TM9SF2: variants seen among roughly 807,000 people sequenced by gnomAD.
TM9SF2 encodes the protein transmembrane 9 superfamily member 2.
Under a neutral mutation model 84.9 loss-of-function variants are expected in TM9SF2, and 13 were observed. The observed-to-expected ratio is 0.15, with a 90% CI of 0.10 to 0.24. The LOEUF is 0.24. TM9SF2 is among the 10% of genes least tolerant of loss of function. The probability of loss-of-function intolerance (pLI) is 1.00; values close to 1 mark genes in which losing one functional copy is unlikely to be tolerated. For missense variants in TM9SF2, 562 were observed against 818.5 expected (o/e 0.69, Z 3.82); for synonymous variants, 273 against 285.8 (o/e 0.96, Z 0.45).
intron 1 of TM9SF2, among the ~76,000 whole-genome samples, chr13:99,515,605 C>T (rs911881053): frequency 6.6e-6 from 1 of 152,140 alleles, no homozygotes; most frequent in Admixed American, 6.5e-5. Flanking sequence ...ACACTTCCCT[C>T]TTCTGAATAT....
At chr13:99,544,356 A>C (rs544554196) in intron 10 of TM9SF2, among the ~76,000 whole-genome samples, 2,306 of 151,852 alleles carry the variant, frequency 0.015, 85 homozygotes, top group African/African-American at 0.052. Flanking sequence ...AAAAAAAACA[A>C]AAAACACCAC....
chr13:99,547,208 C>T, intron 11 of TM9SF2, 104 bp downstream of exon 11: 1 of 1,506,906 alleles, frequency 6.6e-7, no homozygotes, highest in Non-Finnish European at 9.0e-7. Context: ...AATAGTGTGC[C>T]TCATAGGGGT....
At chr13:99,537,645 A>G (rs1298339734) in intron 5 of TM9SF2, 94 bp from the exon 6 acceptor site, 2 of 1,027,186 alleles carry the variant, frequency 1.9e-6, no homozygotes, top group East Asian at 5.4e-5. Context: ...TCAAACTTAA[A>G]TTTTCTTACT....
At chr13:99,513,471 A>G (rs941253050) in intron 1 of TM9SF2, among the ~76,000 whole-genome samples, 1 of 152,214 alleles carries the variant, frequency 6.6e-6, no homozygotes, top group Non-Finnish European at 1.5e-5. Context: ...AAAAATTTGT[A>G]TTACTTCATC....
intron 3 of TM9SF2, among the ~76,000 whole-genome samples, chr13:99,526,630 A>T (rs896941708): frequency 6.6e-6 from 1 of 152,190 alleles, no homozygotes; most frequent in Non-Finnish European, 1.5e-5. Flanking sequence ...GCTGTCATTG[A>T]TAAAGGCAGG....
At chr13:99,547,138 A>G (rs747493913) in intron 11 of TM9SF2, 34 bp downstream of exon 11, 9 of 1,609,234 alleles carry the variant, frequency 5.6e-6, no homozygotes, top group Non-Finnish European at 1.7e-6. Flanking sequence ...GCGTCTGATC[A>G]GGAAGGGACT....
intron 4 of TM9SF2, among the ~76,000 whole-genome samples, chr13:99,531,118 C>T (rs2046207036): frequency 1.3e-5 from 2 of 152,068 alleles, no homozygotes; most frequent in South Asian, 2.1e-4. Context: ...CTCTCAGCCT[C>T]CCAAAGTGCT....
rs532627176 is a variant in TM9SF2 at position 99,553,814 on chromosome 13, G to A, written c.1489-490G>A. ...AGAACATCACCAACTCCTTATGGTC[G>A]TAAAGCTTCATACAGCCATTCATTG... On this transcript the variant is annotated intron_variant, in intron 13 of 16. Transcript: ENST00000376387. Among the ~76,000 whole-genome samples, 79 of 152,252 alleles carry A rather than the reference G, an allele frequency of 5.2e-4. 1 individual carries two copies. The highest frequency in any genetic ancestry group is 3.4e-3 in the Middle Eastern group (1 of 294).
intron 4 of TM9SF2, among the ~76,000 whole-genome samples, chr13:99,534,281 T>G (rs546543528): frequency 6.6e-6 from 1 of 152,326 alleles, no homozygotes; most frequent in South Asian, 2.1e-4. Flanking sequence ...GAAGATACTT[T>G]AGTGAGTTCC....
intron 16 of TM9SF2, among the ~76,000 whole-genome samples, chr13:99,560,684 T>A (rs1262342741): frequency 6.6e-6 from 1 of 152,148 alleles, no homozygotes; most frequent in East Asian, 1.9e-4. Context: ...TTTATTTATT[T>A]TATTTTTATT....
intron 3 of TM9SF2, among the ~76,000 whole-genome samples, chr13:99,527,554 C>T (rs747110234): frequency 2.6e-5 from 4 of 152,178 alleles, no homozygotes; most frequent in African/African-American, 4.8e-5. Context: ...TCCCCCAACA[C>T]GTGGGGATTA....
intron 11 of TM9SF2, 58 bp downstream of exon 11, chr13:99,547,162 G>T (rs1457385082): frequency 6.2e-7 from 1 of 1,600,874 alleles, no homozygotes; most frequent in African/African-American, 1.3e-5. Flanking sequence ...CTGCGGCTGT[G>T]GATCTGACCT....
intron 1 of TM9SF2, among the ~76,000 whole-genome samples, chr13:99,506,223 G>A (rs2046088081): frequency 6.6e-6 from 1 of 152,132 alleles, no homozygotes; most frequent in South Asian, 2.1e-4. Flanking sequence ...GACACAGAAT[G>A]AATATATATG....
intron 14 of TM9SF2, 111 bp downstream of exon 14, chr13:99,554,566 A>C: frequency 8.4e-7 from 1 of 1,188,762 alleles, no homozygotes; most frequent in Non-Finnish European, 1.1e-6. Context: ...GCAGTTCTTC[A>C]GTAACCAGAA....
intron 1 of TM9SF2, among the ~76,000 whole-genome samples, chr13:99,515,104 G>T (rs1181200099): frequency 6.6e-6 from 1 of 152,174 alleles, no homozygotes; most frequent in African/African-American, 2.4e-5. Context: ...CTTAATTGTA[G>T]CAAGAGGGAC....
intron 9 of TM9SF2, among the ~76,000 whole-genome samples, chr13:99,543,188 A>G (rs920650363): frequency 7.9e-5 from 12 of 152,128 alleles, no homozygotes; most frequent in African/African-American, 2.7e-4. Context: ...TGATCTTCCC[A>G]TTGAACCCCT....
At chr13:99,519,890 A>AGATGAGGAGAGATG (rs2139079307) in intron 2 of TM9SF2, 146 bp from the exon 3 acceptor site, 2 of 567,354 alleles carry the variant, frequency 3.5e-6, no homozygotes, top group Non-Finnish European at 6.1e-6. Flanking sequence ...GATGTGGTAC[A>AGATGAGGAGAGATG]TAGGACTTGG....
At chr13:99,554,095 T>C (rs1181746842) in intron 13 of TM9SF2, among the ~76,000 whole-genome samples, 2 of 152,242 alleles carry the variant, frequency 1.3e-5, no homozygotes, top group Admixed American at 6.5e-5. Flanking sequence ...CAGTATTAAC[T>C]TGTTCCAGTA....
At chr13:99,542,484 C>T (rs768276130) in intron 9 of TM9SF2, among the ~76,000 whole-genome samples, 1 of 152,156 alleles carries the variant, frequency 6.6e-6, no homozygotes, top group Non-Finnish European at 1.5e-5. Flanking sequence ...ACATTTTCTA[C>T]TCTTCATTTC....
Sources: allele counts gnomAD v4.1 joint callset (sites outside exome capture counted in the v4.1 genomes callset), GRCh38; gene constraint gnomAD v4.1.1; transcripts MANE v1.5; gene names NCBI Gene and HGNC (gene_info 2026-07-23, HGNC 2026-07-21).